FRMD6: variants seen among roughly 807,000 people sequenced by gnomAD.
FRMD6 encodes the protein FERM domain containing 6.
A neutral mutation model predicts 73.2 loss-of-function variants in FRMD6; 37 were observed. The ratio of observed to expected loss-of-function variants is 0.51; its 90% confidence interval spans 0.39 to 0.66. The LOEUF is 0.66. Ranked by LOEUF, FRMD6 falls within the 30% of genes least tolerant of loss-of-function variation. The pLI is 0.00. For synonymous variants in FRMD6, 273 were observed against 282.2 expected (o/e 0.97, Z 0.33); for missense variants, 714 against 780.5 (o/e 0.91, Z 1.02).
At chr14:51,467,895 C>T in the FRMD6 span, among the ~76,000 whole-genome samples, 1 of 152,088 alleles carries the variant, frequency 6.6e-6, no homozygotes, top group Non-Finnish European at 1.5e-5. Context: ...GGATGGCGGC[C>T]GGGTAGAGGC....
chr14:51,614,634 A>G (rs1402556499), intron 2 of FRMD6, among the ~76,000 whole-genome samples: 1 of 152,218 alleles, frequency 6.6e-6, no homozygotes. Flanking sequence ...AGGCACTACC[A>G]TCTTCAAACT....
the FRMD6 span, among the ~76,000 whole-genome samples, chr14:51,414,371 T>A: frequency 6.6e-6 from 1 of 152,250 alleles, no homozygotes; most frequent in African/African-American, 2.4e-5. Context: ...TTTCCACATA[T>A]GGCTAGCCAG....
chr14:51,407,421 T>G, the FRMD6 span, among the ~76,000 whole-genome samples: 2 of 151,804 alleles, frequency 1.3e-5, no homozygotes, highest in African/African-American at 4.8e-5. Context: ...TTGGTAATTT[T>G]TGTTAGTGAA....
chr14:51,475,810 G>A, the FRMD6 span, among the ~76,000 whole-genome samples: 8 of 152,120 alleles, frequency 5.3e-5, no homozygotes, highest in Non-Finnish European at 1.0e-4. Context: ...CGTGAAAAAG[G>A]GAGGACAATA....
At position 51,594,969 on chromosome 14, in the gene FRMD6, T is replaced by C. The variant is rs1276347320; in HGVS notation, c.-147+24559T>C. 5.3e-5 allele frequency among the ~76,000 whole-genome samples: 8 copies of C among 152,142 alleles called. No individual in the cohort carries two copies. The East Asian group carries it at 1.5e-3, about 29-fold the overall frequency. Reference sequence around the variant, plus strand: ...TTCAGGAAAATTATCAGAACTTGCATAGAAGAGAAATAAAGAATGATGAGC... The same window carrying C: ...TTCAGGAAAATTATCAGAACTTGCACAGAAGAGAAATAAAGAATGATGAGC... On this transcript the variant is annotated intron_variant, in intron 2 of 14. Coordinates refer to the FRMD6 transcript ENST00000356218.
chr14:51,679,325 A>G (rs1483347331), intron 1 of FRMD6, among the ~76,000 whole-genome samples: 1 of 151,212 alleles, frequency 6.6e-6, no homozygotes, highest in East Asian at 1.9e-4. Flanking sequence ...TATTTGCTAT[A>G]TATAATGCAT....
chr14:51,531,802 T>A (rs1384781374), intron 1 of FRMD6, among the ~76,000 whole-genome samples: 1 of 152,214 alleles, frequency 6.6e-6, no homozygotes, highest in East Asian at 1.9e-4. Flanking sequence ...TGCCAATCAA[T>A]ATTCATATCA....
chr14:51,586,348 T>C (rs530078559), intron 2 of FRMD6, among the ~76,000 whole-genome samples: 6 of 152,286 alleles, frequency 3.9e-5, no homozygotes, highest in Admixed American at 3.3e-4. Context: ...TGTTGAACAT[T>C]TTTTCATATG....
intron 2 of FRMD6, among the ~76,000 whole-genome samples, chr14:51,696,751 C>A (rs370595987): frequency 0.016 from 1,976 of 124,478 alleles, no homozygotes; most frequent in Non-Finnish European, 0.017. Flanking sequence ...CCTGTCTCTA[C>A]AAAAAAAAAA....
chr14:51,671,173 G>A (rs1032037317), intron 1 of FRMD6, among the ~76,000 whole-genome samples: 23 of 152,186 alleles, frequency 1.5e-4, no homozygotes, highest in Middle Eastern at 3.4e-3. Context: ...TAGGAATCTC[G>A]TGTCTATGTT....
At chr14:51,432,447 A>G in the FRMD6 span, among the ~76,000 whole-genome samples, 1 of 152,178 alleles carries the variant, frequency 6.6e-6, no homozygotes, top group Non-Finnish European at 1.5e-5. Context: ...TGGAACACAG[A>G]ATCATCAGTC....
intron 1 of FRMD6, among the ~76,000 whole-genome samples, chr14:51,508,203 G>A (rs1175907036): frequency 6.6e-6 from 1 of 152,150 alleles, no homozygotes; most frequent in Non-Finnish European, 1.5e-5. Flanking sequence ...ATCCGGCCCT[G>A]CCTGTTGCTA....
At chr14:51,396,445 T>C in the FRMD6 span, among the ~76,000 whole-genome samples, 1 of 152,136 alleles carries the variant, frequency 6.6e-6, no homozygotes, top group Non-Finnish European at 1.5e-5. Flanking sequence ...ATGTGCTCCA[T>C]GGCCTACGAC....
At chr14:51,657,899 T>C (rs1892949000) in intron 1 of FRMD6, among the ~76,000 whole-genome samples, 1 of 152,152 alleles carries the variant, frequency 6.6e-6, no homozygotes, top group Admixed American at 6.5e-5. Flanking sequence ...AGCCCCATCA[T>C]TTTTCAGAGA....
the FRMD6 span, among the ~76,000 whole-genome samples, chr14:51,472,569 C>T: frequency 6.6e-6 from 1 of 152,210 alleles, no homozygotes; most frequent in Non-Finnish European, 1.5e-5. Context: ...TCCCAAAGTG[C>T]TGGGATTACA....
chr14:51,472,480 T>C, the FRMD6 span, among the ~76,000 whole-genome samples: 2 of 152,046 alleles, frequency 1.3e-5, no homozygotes, highest in Non-Finnish European at 2.9e-5. Flanking sequence ...ATTTTTTGTA[T>C]TTTTAGTAGA....
At chr14:51,690,810 TAGTC>T (rs1352709796) in intron 2 of FRMD6, among the ~76,000 whole-genome samples, 3 of 152,212 alleles carry the variant, frequency 2.0e-5, no homozygotes, top group East Asian at 1.9e-4. Flanking sequence ...TTGTGAGTCA[TAGTC>T]AGCTTGCTTA....
intron 2 of FRMD6, among the ~76,000 whole-genome samples, chr14:51,607,350 A>G (rs908017720): frequency 2.6e-5 from 4 of 152,056 alleles, no homozygotes; most frequent in Non-Finnish European, 5.9e-5. Context: ...TAGGGTGGAA[A>G]GTGTATTATT....
At chr14:51,727,594 T>TC (rs1898047023) in intron 13 of FRMD6, 151 bp from the exon 14 acceptor site, 1 of 654,110 alleles carries the variant, frequency 1.5e-6, no homozygotes, top group African/African-American at 1.8e-5. Flanking sequence ...ATGATATATT[T>TC]CCCCATACAG....
Sources: allele counts gnomAD v4.1 joint callset (sites outside exome capture counted in the v4.1 genomes callset), GRCh38; gene constraint gnomAD v4.1.1; transcripts MANE v1.5; gene names NCBI Gene and HGNC (gene_info 2026-07-23, HGNC 2026-07-21).